L3MBTL4: variants seen among roughly 807,000 people sequenced by gnomAD.
L3MBTL4 encodes the protein lethal(3)malignant brain tumor-like protein 4.
In L3MBTL4, 70 loss-of-function variants were observed where a neutral mutation model predicts 84.5. That is an observed-to-expected ratio of 0.83 (90% CI 0.68 to 1.01). The LOEUF is 1.01. Among genes scored for constraint, L3MBTL4 ranks in the 50% least tolerant of loss-of-function variants. The pLI is 0.00. For missense variants in L3MBTL4, 715 were observed against 754.8 expected, an observed-to-expected ratio of 0.95 and a Z score of 0.62; for synonymous variants, 274 against 259.8, an observed-to-expected ratio of 1.05 and a Z score of -0.52.
intron 1 of L3MBTL4, among the ~76,000 whole-genome samples, chr18:6,329,151 C>CTTTTTTTTTTTTTTTTTTT (rs992694853): frequency 7.9e-6 from 1 of 126,558 alleles, no homozygotes; most frequent in African/African-American, 3.0e-5. Flanking sequence ...TTTTTCTTTT[C>CTTTTTTTTTTTTTTTTTTT]TTTTTTTTTT....
At chr18:6,015,885 G>A (rs992648343) in intron 16 of L3MBTL4, among the ~76,000 whole-genome samples, 4 of 152,280 alleles carry the variant, frequency 2.6e-5, no homozygotes, top group East Asian at 1.9e-4. Context: ...GCTTGAATCC[G>A]GGACGCGGAG....
At chr18:6,263,179 G>A (rs1197390881) in intron 5 of L3MBTL4, among the ~76,000 whole-genome samples, 1 of 149,874 alleles carries the variant, frequency 6.7e-6, no homozygotes, top group Non-Finnish European at 1.5e-5. Flanking sequence ...TGAGGCAGGA[G>A]AATCGCTTGA....
chr18:6,010,572 C>T (rs2054687813), intron 16 of L3MBTL4, among the ~76,000 whole-genome samples: 1 of 152,156 alleles, frequency 6.6e-6, no homozygotes, highest in Admixed American at 6.5e-5. Flanking sequence ...GATCTGGTTT[C>T]AATCTGTGTT....
intron 16 of L3MBTL4, among the ~76,000 whole-genome samples, chr18:6,080,637 G>A (rs1441577209): frequency 2.0e-5 from 3 of 152,178 alleles, no homozygotes; most frequent in Admixed American, 1.3e-4. Flanking sequence ...CCTATCATGA[G>A]TGGGGACCAT....
At chr18:6,387,262 T>C (rs1247627239) in intron 1 of L3MBTL4, among the ~76,000 whole-genome samples, 1 of 152,166 alleles carries the variant, frequency 6.6e-6, no homozygotes, top group Non-Finnish European at 1.5e-5. Flanking sequence ...CTACCACTAT[T>C]CCCTTGCCTA....
intron 5 of L3MBTL4, among the ~76,000 whole-genome samples, chr18:6,262,456 C>T (rs1400011730): frequency 6.6e-6 from 1 of 152,164 alleles, no homozygotes; most frequent in Non-Finnish European, 1.5e-5. Flanking sequence ...GAAGAAACCC[C>T]CTAAGTCTTA....
At chr18:6,346,118 ATATAT>A (rs1295417242) in intron 1 of L3MBTL4, among the ~76,000 whole-genome samples, 28 of 147,340 alleles carry the variant, frequency 1.9e-4, no homozygotes, top group African/African-American at 6.6e-4. Context: ...ATATATATAT[ATATAT>A]ATATATATAT....
At chr18:6,270,002 A>G (rs1284356236) in intron 4 of L3MBTL4, among the ~76,000 whole-genome samples, 1 of 152,168 alleles carries the variant, frequency 6.6e-6, no homozygotes. Flanking sequence ...CATAAACACA[A>G]CCCTTCATGG....
At chr18:6,115,740 A>T (rs1005565203) in intron 14 of L3MBTL4, among the ~76,000 whole-genome samples, 6 of 152,224 alleles carry the variant, frequency 3.9e-5, no homozygotes, top group Non-Finnish European at 7.3e-5. Context: ...TTCATCCTTC[A>T]TGTGCATTAG....
intron 10 of L3MBTL4, among the ~76,000 whole-genome samples, chr18:6,226,100 T>C (rs1282319798): frequency 1.3e-5 from 2 of 152,098 alleles, no homozygotes; most frequent in Non-Finnish European, 2.9e-5. Flanking sequence ...ACCTGCTTAA[T>C]ATAAATCACT....
chr18:5,984,776 G>C lies in L3MBTL4; in HGVS notation c.1445-15214C>G, dbSNP rs2053394860. ...CAGAGTGAATCTGAATGTTGTTTCT[G>C]AATTATTTTTGGACCTTGGCTTTCT... On this transcript the variant is annotated intron_variant, in intron 16 of 18. Transcript: ENST00000317931. Among the ~76,000 whole-genome samples the C allele has an allele frequency of 3.9e-5, 6 of 152,194 alleles. No individual in the cohort carries two copies. The South Asian group carries it at 1.2e-3, about 32-fold the overall frequency.
chr18:6,210,561 G>A (rs570428160), intron 12 of L3MBTL4, among the ~76,000 whole-genome samples: 7 of 152,212 alleles, frequency 4.6e-5, no homozygotes, highest in East Asian at 1.9e-4. Flanking sequence ...TCTACATAAC[G>A]GGTATAACAA....
chr18:6,301,513 C>T (rs891760997), intron 4 of L3MBTL4, among the ~76,000 whole-genome samples: 3 of 152,090 alleles, frequency 2.0e-5, no homozygotes, highest in Admixed American at 1.3e-4. Flanking sequence ...GCACAATCTC[C>T]TCTACAACAT....
intron 7 of L3MBTL4, 63 bp downstream of exon 7, chr18:6,243,231 G>A (rs1318874587): frequency 3.0e-6 from 4 of 1,351,680 alleles, no homozygotes; most frequent in Non-Finnish European, 2.9e-6. Context: ...ATAAAGTATT[G>A]TTAAAATATA....
chr18:6,145,677 A>G (rs1044518237), intron 13 of L3MBTL4, among the ~76,000 whole-genome samples: 1 of 152,014 alleles, frequency 6.6e-6, no homozygotes, highest in African/African-American at 2.4e-5. Context: ...TTGAAAAGGG[A>G]AATAGATTTA....
chr18:6,407,696 T>A (rs1485590002), intron 1 of L3MBTL4, among the ~76,000 whole-genome samples: 3 of 152,350 alleles, frequency 2.0e-5, no homozygotes, highest in South Asian at 4.1e-4. Flanking sequence ...ATTTCTTTCC[T>A]GAGTAAGCTT....
chr18:5,958,552 T>G (rs901080879), intron 18 of L3MBTL4, among the ~76,000 whole-genome samples: 11 of 152,180 alleles, frequency 7.2e-5, no homozygotes, highest in African/African-American at 2.2e-4. Flanking sequence ...GGTTTGATCC[T>G]CCTGATAACC....
At chr18:6,392,218 A>G (rs956666040) in intron 1 of L3MBTL4, among the ~76,000 whole-genome samples, 1 of 152,168 alleles carries the variant, frequency 6.6e-6, no homozygotes, top group Admixed American at 6.5e-5. Flanking sequence ...ACAAAAGCAT[A>G]CAGCAACATA....
chr18:6,367,028 A>G (rs1007870881), intron 1 of L3MBTL4, among the ~76,000 whole-genome samples: 3 of 152,236 alleles, frequency 2.0e-5, no homozygotes, highest in Non-Finnish European at 4.4e-5. Flanking sequence ...GAAAGCCCAC[A>G]GCAGGTGCCA....
Sources: allele counts gnomAD v4.1 joint callset (sites outside exome capture counted in the v4.1 genomes callset), GRCh38; gene constraint gnomAD v4.1.1; transcripts MANE v1.5; gene names NCBI Gene and HGNC (gene_info 2026-07-23, HGNC 2026-07-21).